Variants in TTC6 observed in about 807,000 individuals in gnomAD.
TTC6 encodes tetratricopeptide repeat protein 6.
TTC6 carries 172 observed loss-of-function variants against 210.4 expected under a neutral mutation model. That is an observed-to-expected ratio of 0.82 (90% CI 0.72 to 0.93). The LOEUF is 0.93. TTC6 is among the 40% of genes least tolerant of loss of function. TTC6 has a pLI of 0.00. For synonymous variants in TTC6, 804 were observed against 819.6 expected, an observed-to-expected ratio of 0.98 and a Z score of 0.32; for missense variants, 2,414 against 2,318.1, an observed-to-expected ratio of 1.04 and a Z score of -0.85.
At chr14:37,618,429 A>G (rs1360817481), upstream of TTC6, among the ~76,000 whole-genome samples, 1 of 152,142 alleles carries the variant, frequency 6.6e-6, no homozygotes, top group Non-Finnish European at 1.5e-5. Context: ...AACATAATCA[A>G]CCTGGTTTGT....
At chr14:37,764,766 C>T (rs958142965) in intron 14 of TTC6, among the ~76,000 whole-genome samples, 1 of 151,666 alleles carries the variant, frequency 6.6e-6, no homozygotes, top group South Asian at 2.1e-4. Context: ...AACCTATTTA[C>T]ATTTAATGCA....
intron 1 of TTC6, among the ~76,000 whole-genome samples, chr14:37,655,300 C>G (rs536034373): frequency 6.6e-6 from 1 of 151,972 alleles, no homozygotes; most frequent in African/African-American, 2.4e-5. Context: ...AACAAAAAAC[C>G]ATAAAATTCT....
chr14:37,696,136 A>T (rs1400868244), intron 3 of TTC6, among the ~76,000 whole-genome samples: 1 of 152,284 alleles, frequency 6.6e-6, no homozygotes, highest in South Asian at 2.1e-4. Context: ...CCTACCTAAC[A>T]TAAAAAAATT....
At chr14:37,714,878 T>A in intron 6 of TTC6, 82 bp downstream of exon 8, 1 of 1,327,714 alleles carries the variant, frequency 7.5e-7, no homozygotes, top group Non-Finnish European at 1.0e-6. Flanking sequence ...TTTTCACTCT[T>A]AAAAATTATT....
rs188593118 is a variant in TTC6 at position 37,676,973 on chromosome 14, A to G, written c.940-3178A>G. ...TTTTGATTATTGTAGTTTGATAGTA[A>G]ATTTTGAAATAGGGAAGTGTGAGTC... On this transcript the variant is annotated intron_variant, in intron 1 of 30. Transcript: ENST00000553443. Among the ~76,000 whole-genome samples, 389 of 152,170 alleles carry G rather than the reference A, an allele frequency of 2.6e-3. 2 individuals carry two copies. The highest frequency in any genetic ancestry group is 8.9e-3 in the African/African-American group (371 of 41,538).
chr14:37,676,687 C>G (rs1330116716), intron 1 of TTC6, among the ~76,000 whole-genome samples: 1 of 152,024 alleles, frequency 6.6e-6, no homozygotes, highest in Non-Finnish European at 1.5e-5. Flanking sequence ...AAGAATCTTA[C>G]AGTTTATAGG....
At chr14:37,634,550 G>A (rs1444513778) in intron 1 of TTC6, among the ~76,000 whole-genome samples, 15 of 152,046 alleles carry the variant, frequency 9.9e-5, no homozygotes, top group Admixed American at 9.2e-4. Context: ...AAAGAGGGCA[G>A]GACTGAAAAA....
At chr14:37,604,639 G>C (rs1216363520) in intron 1 of TTC6, among the ~76,000 whole-genome samples, 1 of 151,992 alleles carries the variant, frequency 6.6e-6, no homozygotes, top group Non-Finnish European at 1.5e-5. Flanking sequence ...AGGCAAACAC[G>C]GGGTTGTGGT....
At chr14:37,727,825 A>T (rs1566914174) in intron 7 of TTC6, among the ~76,000 whole-genome samples, 2 of 151,510 alleles carry the variant, frequency 1.3e-5, no homozygotes, top group Non-Finnish European at 2.9e-5. Flanking sequence ...ATTTTGTTTA[A>T]ATTTTATTCT....
intron 14 of TTC6, among the ~76,000 whole-genome samples, chr14:37,775,250 G>C (rs1489209661): frequency 6.6e-6 from 1 of 152,046 alleles, no homozygotes; most frequent in Non-Finnish European, 1.5e-5. Flanking sequence ...TCTGATTTTG[G>C]TTATTTCTTT....
intron 1 of TTC6, among the ~76,000 whole-genome samples, chr14:37,646,842 A>C (rs1011027219): frequency 2.0e-5 from 3 of 152,200 alleles, no homozygotes; most frequent in East Asian, 3.9e-4. Flanking sequence ...CGATTTACAC[A>C]GTAGTTGCAT....
intron 26 of TTC6, among the ~76,000 whole-genome samples, chr14:37,818,698 G>A (rs1358012880): frequency 1.3e-5 from 2 of 151,890 alleles, no homozygotes; most frequent in Non-Finnish European, 2.9e-5. Flanking sequence ...AACTTCTGAA[G>A]GTGTCTTTGT....
At chr14:37,823,898 G>A (rs1337244865) in exon 27 of TTC6, 10 of 1,613,958 alleles carry the variant, frequency 6.2e-6, no homozygotes, top group Non-Finnish European at 8.5e-6. Context: ...CTTTCTGAAA[G>A]CACTGCATAT....
chr14:37,828,582 C>T (rs1753808511), intron 29 of TTC6, among the ~76,000 whole-genome samples: 1 of 151,960 alleles, frequency 6.6e-6, no homozygotes, highest in African/African-American at 2.4e-5. Flanking sequence ...TTAATGTTTT[C>T]CCCAGATTTT....
intron 6 of TTC6, among the ~76,000 whole-genome samples, chr14:37,723,487 A>G (rs1280541236): frequency 1.3e-5 from 2 of 152,162 alleles, no homozygotes; most frequent in Non-Finnish European, 2.9e-5. Flanking sequence ...ATCCAACTCT[A>G]ATCTACCTCA....
chr14:37,796,912 T>C, exon 20 of TTC6: 1 of 1,604,162 alleles, frequency 6.2e-7, no homozygotes, highest in Non-Finnish European at 8.5e-7. Flanking sequence ...GTGTGCTCTA[T>C]TAGCAAAAGT....
At chr14:37,807,254 A>G in intron 22 of TTC6, 66 bp from the exon 25 acceptor site, 2 of 1,364,890 alleles carry the variant, frequency 1.5e-6, no homozygotes, top group Non-Finnish European at 9.7e-7. Flanking sequence ...AGTAGCATAT[A>G]TTTTGGTAGA....
intron 14 of TTC6, among the ~76,000 whole-genome samples, chr14:37,779,811 G>T (rs1566948977): frequency 1.3e-5 from 2 of 152,204 alleles, no homozygotes; most frequent in Admixed American, 1.3e-4. Context: ...TTAATTGAAG[G>T]TATTATTAGG....
chr14:37,636,414 T>G (rs1173450037), intron 1 of TTC6, among the ~76,000 whole-genome samples: 1 of 152,194 alleles, frequency 6.6e-6, no homozygotes. Context: ...TGAAACTATA[T>G]AGACTGTATT....
Sources: allele counts gnomAD v4.1 joint callset (sites outside exome capture counted in the v4.1 genomes callset), GRCh38; gene constraint gnomAD v4.1.1; transcripts MANE v1.5; gene names NCBI Gene and HGNC (gene_info 2026-07-23, HGNC 2026-07-21).